Variants in ADGRL2 observed in about 807,000 individuals in gnomAD.
The protein encoded by ADGRL2 is adhesion G protein-coupled receptor L2.
In ADGRL2, 44 loss-of-function variants were observed where a neutral mutation model predicts 157.4. The ratio of observed to expected loss-of-function variants is 0.28; its 90% confidence interval spans 0.22 to 0.36. The LOEUF (loss-of-function observed/expected upper bound fraction) is 0.36. Ranked by LOEUF, ADGRL2 falls within the 10% of genes least tolerant of loss-of-function variation. The pLI is 1.00. For missense variants in ADGRL2, 1,510 were observed against 1,768.9 expected, an observed-to-expected ratio of 0.85 and a Z score of 2.63; for synonymous variants, 585 against 624.7, an observed-to-expected ratio of 0.94 and a Z score of 0.95.
chr1:81,927,167 G>A (rs2095126815), intron 3 of ADGRL2, among the ~76,000 whole-genome samples: 1 of 151,740 alleles, frequency 6.6e-6, no homozygotes, highest in South Asian at 2.1e-4. Context: ...AAAAAAGCAC[G>A]ACAACCTCCT....
chr1:81,741,582 C>T (rs2085075957), intron 1 of ADGRL2, among the ~76,000 whole-genome samples: 1 of 151,940 alleles, frequency 6.6e-6, no homozygotes, highest in Non-Finnish European at 1.5e-5. Flanking sequence ...TCTACTTTTC[C>T]TCTAAAAGCA....
chr1:81,687,470 C>T (rs1291373721), intron 3 of ADGRL2, among the ~76,000 whole-genome samples: 1 of 152,144 alleles, frequency 6.6e-6, no homozygotes, highest in African/African-American at 2.4e-5. Flanking sequence ...CCCCTGCTCA[C>T]TTTTGGTGTC....
chr1:81,603,006 G>A (rs547796027), intron 3 of ADGRL2, among the ~76,000 whole-genome samples: 9 of 152,090 alleles, frequency 5.9e-5, no homozygotes, highest in East Asian at 3.9e-4. Context: ...ACCTTAGCAC[G>A]TGATGGTAGA....
chr1:81,638,448 A>G (rs1051801328), intron 3 of ADGRL2, among the ~76,000 whole-genome samples: 7 of 152,202 alleles, frequency 4.6e-5, no homozygotes, highest in African/African-American at 1.7e-4. Context: ...TAGCAACAAC[A>G]TATTTGATTG....
At chr1:81,350,471 A>T (rs1327605) in intron 1 of ADGRL2, among the ~76,000 whole-genome samples, 114,659 of 152,094 alleles carry the variant, frequency 0.75, 43,949 homozygotes, top group African/African-American at 0.84. Context: ...GGAGGCAATT[A>T]GAAAAGAATT....
chr1:81,377,618 G>T (rs1008308098), intron 1 of ADGRL2, among the ~76,000 whole-genome samples: 1 of 152,058 alleles, frequency 6.6e-6, no homozygotes, highest in East Asian at 1.9e-4. Context: ...GTCATGATAC[G>T]CACGTCACCA....
At chr1:81,884,607 C>T (rs760927356) in intron 2 of ADGRL2, among the ~76,000 whole-genome samples, 2 of 152,026 alleles carry the variant, frequency 1.3e-5, no homozygotes, top group African/African-American at 2.4e-5. Flanking sequence ...ATATAACATT[C>T]GGAAACTCTT....
rs780263616 is a variant in ADGRL2 at position 81,990,978 on chromosome 1, A to C, written c.4243A>C (p.Ile1415Leu). 3 of 1,614,102 alleles carry C rather than the reference A, an allele frequency of 1.9e-6. No homozygotes were observed. The highest frequency in any genetic ancestry group is 2.5e-6 in the Non-Finnish European group (3 of 1,179,994). The change falls in exon 24 of 24, where the codon ATT becomes CTT. Residue 1415 changes from isoleucine (I) to leucine (L), a missense_variant. This residue lies in a region of ADGRL2 where 327 missense variants were observed against 310.1 expected (regional missense o/e 1.05). Coordinates refer to ENST00000686636, the MANE Select transcript of ADGRL2 (RefSeq NM_001366006.2). ...CTCCAGGAGGAGTGAGAATGAGGAC[A>C]TTTACTATAAAAGCATGCCAAATCT... Reference protein sequence around the residue: ...SPSRRSENEDIYYKSMPNLGA... With the variant: ...SPSRRSENEDLYYKSMPNLGA...
intron 1 of ADGRL2, among the ~76,000 whole-genome samples, chr1:81,703,510 A>G (rs1441066343): frequency 2.0e-5 from 3 of 152,104 alleles, no homozygotes; most frequent in Non-Finnish European, 2.9e-5. Context: ...AGGCGAGGAA[A>G]GTTATGAGAG....
At chr1:81,827,727 G>C (rs552464577) in intron 1 of ADGRL2, among the ~76,000 whole-genome samples, 2 of 152,106 alleles carry the variant, frequency 1.3e-5, no homozygotes, top group East Asian at 3.9e-4. Context: ...ACCACGCCTG[G>C]CTAATTTTTG....
intron 2 of ADGRL2, among the ~76,000 whole-genome samples, chr1:81,887,445 A>G (rs747502452): frequency 4.9e-4 from 75 of 152,342 alleles, no homozygotes; most frequent in African/African-American, 1.8e-3. Flanking sequence ...CACTTATGAA[A>G]GAGAGCAAAT....
intron 1 of ADGRL2, among the ~76,000 whole-genome samples, chr1:81,389,012 A>T (rs1023282548): frequency 6.6e-6 from 1 of 152,098 alleles, no homozygotes; most frequent in Admixed American, 6.6e-5. Flanking sequence ...AGAAATCAAA[A>T]ATACCCCTGT....
At chr1:81,668,190 A>G (rs2082791388) in intron 3 of ADGRL2, among the ~76,000 whole-genome samples, 1 of 152,004 alleles carries the variant, frequency 6.6e-6, no homozygotes, top group Non-Finnish European at 1.5e-5. Context: ...TGGGGGGCGA[A>G]GTGGGGCGGA....
chr1:81,372,972 G>A (rs1301859624), intron 1 of ADGRL2, among the ~76,000 whole-genome samples: 1 of 152,102 alleles, frequency 6.6e-6, no homozygotes, highest in Non-Finnish European at 1.5e-5. Flanking sequence ...CAAAGGGAGA[G>A]AGCTTGTTAA....
intron 1 of ADGRL2, among the ~76,000 whole-genome samples, chr1:81,329,425 G>A (rs1263890893): frequency 6.6e-6 from 1 of 152,102 alleles, no homozygotes; most frequent in Non-Finnish European, 1.5e-5. Flanking sequence ...CACAGGAAGA[G>A]GAGAAGAATA....
At chr1:81,556,439 A>G (rs2080281384) in intron 2 of ADGRL2, among the ~76,000 whole-genome samples, 1 of 150,092 alleles carries the variant, frequency 6.7e-6, no homozygotes, top group African/African-American at 2.5e-5. Flanking sequence ...ATCCCTCCCA[A>G]AGTGCTGGGA....
intron 1 of ADGRL2, among the ~76,000 whole-genome samples, chr1:81,429,416 A>G (rs2077279596): frequency 6.6e-6 from 1 of 152,180 alleles, no homozygotes. Context: ...TGAGCGAGGG[A>G]GGAGGAGGGT....
intron 3 of ADGRL2, among the ~76,000 whole-genome samples, chr1:81,916,103 T>C (rs1407170059): frequency 6.6e-6 from 1 of 152,168 alleles, no homozygotes; most frequent in Non-Finnish European, 1.5e-5. Context: ...TAAAATGTAC[T>C]AAACAATCAA....
intron 1 of ADGRL2, among the ~76,000 whole-genome samples, chr1:81,723,626 C>T (rs2084411629): frequency 6.6e-6 from 1 of 152,160 alleles, no homozygotes; most frequent in South Asian, 2.1e-4. Context: ...GTTCCTGAAG[C>T]ATTTTGGCTT....
Sources: gnomAD v4.1 joint callset for allele counts (sites outside exome capture counted in the v4.1 genomes callset) on GRCh38, gnomAD v4.1.1 for gene constraint, gnomAD v4.1.1 regional missense constraint, MANE v1.5 for transcripts, NCBI Gene and HGNC (gene_info 2026-07-23, HGNC 2026-07-21) for gene names.